Variants in DNAI3 observed in about 807,000 individuals in gnomAD.
DNAI3 encodes the protein dynein axonemal intermediate chain 3.
Under a neutral mutation model 115.5 loss-of-function variants are expected in DNAI3, and 83 were observed. The ratio of observed to expected loss-of-function variants is 0.72; its 90% CI spans 0.60 to 0.86. The LOEUF is 0.86. Ranked by LOEUF, DNAI3 falls within the 40% of genes least tolerant of loss-of-function variation. The probability of loss-of-function intolerance (pLI) is 0.00; values close to 1 mark genes in which losing one functional copy is unlikely to be tolerated. For missense variants in DNAI3, 1,004 were observed against 1,075.8 expected, an observed-to-expected ratio of 0.93 and a Z score of 0.93; for synonymous variants, 320 against 347.0, an observed-to-expected ratio of 0.92 and a Z score of 0.86.
intron 20 of DNAI3, among the ~76,000 whole-genome samples, chr1:85,127,075 T>C (rs901628912): frequency 6.6e-6 from 1 of 152,208 alleles, no homozygotes; most frequent in East Asian, 1.9e-4. Context: ...ACCCGGATCT[T>C]TGTTATCTTT....
chr1:85,114,015 CTT>C (rs58178754), intron 16 of DNAI3, among the ~76,000 whole-genome samples: 167 of 117,622 alleles, frequency 1.4e-3, no homozygotes, highest in East Asian at 2.2e-3. Flanking sequence ...CAATTTGTAT[CTT>C]TTTTTTTTTT....
At chr1:85,085,544 C>T (rs1654776007) in intron 6 of DNAI3, among the ~76,000 whole-genome samples, 1 of 152,178 alleles carries the variant, frequency 6.6e-6, no homozygotes, top group Non-Finnish European at 1.5e-5. Flanking sequence ...ACACAGAAGC[C>T]AAGGAGAGGG....
chr1:85,089,248 G>A (rs1164177917), intron 7 of DNAI3, among the ~76,000 whole-genome samples: 1 of 151,698 alleles, frequency 6.6e-6, no homozygotes, highest in Non-Finnish European at 1.5e-5. Flanking sequence ...GGCACAGAAG[G>A]TTAGATAATT....
chr1:85,096,056 G>T, intron 11 of DNAI3, 36 bp downstream of exon 11: 1 of 1,583,308 alleles, frequency 6.3e-7, no homozygotes. Context: ...ATGTATTAAT[G>T]TAGACAACCT....
intron 17 of DNAI3, 130 bp downstream of exon 17, chr1:85,117,989 G>T: frequency 8.7e-7 from 1 of 1,146,184 alleles, no homozygotes; most frequent in Admixed American, 2.8e-5. Context: ...TAGTATGCTT[G>T]TTTGCATTAA....
chr1:85,104,277 C>G (rs146242649), intron 13 of DNAI3, among the ~76,000 whole-genome samples: 2 of 151,994 alleles, frequency 1.3e-5, no homozygotes, highest in East Asian at 1.9e-4. Flanking sequence ...CCCACCACCA[C>G]GCCCGGCTAA....
At chr1:85,124,524 C>T (rs2100614702) in intron 19 of DNAI3, among the ~76,000 whole-genome samples, 1 of 152,270 alleles carries the variant, frequency 6.6e-6, no homozygotes, top group Non-Finnish European at 1.5e-5. Context: ...GGGCAGTTGA[C>T]TTCACTGGCA....
chr1:85,124,615 C>G (rs1009741147), intron 19 of DNAI3, among the ~76,000 whole-genome samples: 1 of 152,128 alleles, frequency 6.6e-6, no homozygotes, highest in African/African-American at 2.4e-5. Flanking sequence ...ACTGCAGCCT[C>G]GACTTCCCAG....
At chr1:85,132,785 C>T in intron 22 of DNAI3, 70 bp from the exon 23 acceptor site, 1 of 1,564,890 alleles carries the variant, frequency 6.4e-7, no homozygotes, top group Non-Finnish European at 8.6e-7. Flanking sequence ...ACAAACAGCC[C>T]CTTCTCATCC....
chr1:85,090,691 C>G (rs1654945527), intron 8 of DNAI3, among the ~76,000 whole-genome samples: 2 of 152,092 alleles, frequency 1.3e-5, no homozygotes, highest in African/African-American at 4.8e-5. Flanking sequence ...CTCTTATCAC[C>G]AATTCCTGTG....
chr1:85,074,211 G>C (rs1003491557), intron 3 of DNAI3, among the ~76,000 whole-genome samples: 1 of 152,048 alleles, frequency 6.6e-6, no homozygotes, highest in African/African-American at 2.4e-5. Flanking sequence ...TCCTCACATC[G>C]GTTAGTTCCC....
intron 15 of DNAI3, 99 bp from the exon 16 acceptor site, chr1:85,109,949 T>C: frequency 3.6e-6 from 4 of 1,113,556 alleles, no homozygotes; most frequent in Non-Finnish European, 5.2e-6. Flanking sequence ...GAGGTGGGTT[T>C]CCTTCAATAT....
chr1:85,119,834 AT>A (rs1177964229), intron 17 of DNAI3, among the ~76,000 whole-genome samples: 2 of 152,120 alleles, frequency 1.3e-5, no homozygotes, highest in African/African-American at 4.8e-5. Flanking sequence ...AGTAGCTGGA[AT>A]TACAGGCGTG....
chr1:85,072,005 G>T lies in DNAI3; in HGVS notation c.64G>T (p.Ala22Ser). 4 of 1,609,214 alleles carry T rather than the reference G, an allele frequency of 2.5e-6. No individual in the cohort carries two copies. The highest frequency in any genetic ancestry group is 3.4e-6 in the Non-Finnish European group (4 of 1,178,958). Reference sequence around the variant, plus strand: ...AAAAAGACTAAAACCAGTATTAGCTGGTAGGAATATTTCTTCATTGAATGG... The same window carrying T: ...AAAAAGACTAAAACCAGTATTAGCTTGTAGGAATATTTCTTCATTGAATGG... ...GKKRLKPVLA[A>S]SEDMEPVNME... The change falls in exon 2 of 23, where the codon GCT (alanine) becomes TCT (serine). Residue 22 changes from alanine (A) to serine (S), a missense_variant and splice_region_variant. By Grantham distance (99) the Ala-to-Ser change is moderately conservative. Transcript: ENST00000294664.
intron 1 of DNAI3, among the ~76,000 whole-genome samples, chr1:85,066,674 GA>G (rs1557703925): frequency 1.3e-5 from 2 of 152,008 alleles, no homozygotes; most frequent in South Asian, 2.1e-4. Context: ...GCTGGGAACA[GA>G]AAAAATGTTA....
chr1:85,132,850 C>G lies in DNAI3; in HGVS notation c.2533-5C>G, dbSNP rs773433837. 1.2e-6 allele frequency: 2 copies of G among 1,611,456 alleles called. No homozygotes were observed. The highest frequency in any genetic ancestry group is 1.3e-5 in the African/African-American group (1 of 74,682). On this transcript the variant is annotated splice_polypyrimidine_tract_variant and splice_region_variant and intron_variant, in intron 22 of 22. Coordinates refer to ENST00000294664, the MANE Select transcript of DNAI3 (RefSeq NM_145172.5). Reference sequence around the variant, plus strand: ...AGGGATGTCTTGTTTTTCTTCCCCCCCCAGAAAACATATCAGAAGTCAAAA... The same window carrying G: ...AGGGATGTCTTGTTTTTCTTCCCCCGCCAGAAAACATATCAGAAGTCAAAA...
chr1:85,129,410 C>T (rs1311056552), intron 21 of DNAI3, among the ~76,000 whole-genome samples: 1 of 151,534 alleles, frequency 6.6e-6, no homozygotes, highest in Non-Finnish European at 1.5e-5. Context: ...CTGTCTCTGC[C>T]CTGGTTGCCT....
In DNAI3 at chr1:85,085,942, G is replaced by T. The variant is rs1557711477; in HGVS notation, c.652G>T (p.Asp218Tyr). Residue 218 changes from aspartate (D) to tyrosine (Y), a missense_variant, in exon 7 of 23, where the codon GAT (aspartate) becomes TAT (tyrosine). Transcript: ENST00000294664. ...DAYIECTAYP[D>Y]KNFTLKQLEK... ...CTATATTGAATGTACAGCCTACCCA[G>T]ATAAAAATTTTACCCTTAAACAACT... 1 of 1,614,098 alleles carries T rather than the reference G, an allele frequency of 6.2e-7. No homozygotes were observed. Among genetic ancestry groups the T allele is most frequent in the Admixed American group, 1.7e-5 (1 of 60,006 alleles).
intron 13 of DNAI3, among the ~76,000 whole-genome samples, chr1:85,103,416 T>C (rs1363402321): frequency 6.6e-6 from 1 of 152,118 alleles, no homozygotes; most frequent in Non-Finnish European, 1.5e-5. Context: ...GGCACACTTT[T>C]ATTTGGCGTC....
Sources: allele counts gnomAD v4.1 joint callset (sites outside exome capture counted in the v4.1 genomes callset), GRCh38; gene constraint gnomAD v4.1.1; transcripts MANE v1.5; gene names NCBI Gene and HGNC (gene_info 2026-07-23, HGNC 2026-07-21).